STXBP5L: variants seen among roughly 807,000 people sequenced by gnomAD.
The protein encoded by STXBP5L is syntaxin binding protein 5L, also known as syntaxin-binding protein 5-like.
In STXBP5L, 65 loss-of-function variants were observed where a neutral mutation model predicts 144.5. The observed-to-expected ratio is 0.45, with a 90% CI of 0.37 to 0.55. The LOEUF is 0.55. Among genes scored for constraint, STXBP5L ranks in the 20% least tolerant of loss-of-function variants. STXBP5L has a pLI of 0.00. For missense variants in STXBP5L, 1,298 were observed against 1,405.5 expected (o/e 0.92, Z 1.22); for synonymous variants, 505 against 469.6 (o/e 1.08, Z -0.97).
chr3:121,001,302 C>T (rs1015520933), intron 3 of STXBP5L, among the ~76,000 whole-genome samples: 2 of 152,202 alleles, frequency 1.3e-5, no homozygotes, highest in Non-Finnish European at 2.9e-5. Context: ...CCTGGTTGAG[C>T]ATCTGAGGCT....
intron 20 of STXBP5L, among the ~76,000 whole-genome samples, chr3:121,328,680 G>A (rs2044227275): frequency 6.6e-6 from 1 of 152,096 alleles, no homozygotes; most frequent in Non-Finnish European, 1.5e-5. Flanking sequence ...AACCCAGGAG[G>A]CAGAGGTTGC....
chr3:121,046,459 G>A (rs1212558722), intron 5 of STXBP5L, among the ~76,000 whole-genome samples: 1 of 152,092 alleles, frequency 6.6e-6, no homozygotes, highest in Non-Finnish European at 1.5e-5. Context: ...TATGCATCTG[G>A]TGGAATTTGG....
intron 3 of STXBP5L, among the ~76,000 whole-genome samples, chr3:121,024,860 GA>G (rs1226727354): frequency 6.6e-6 from 1 of 152,216 alleles, no homozygotes; most frequent in Admixed American, 6.5e-5. Flanking sequence ...AATTGATTTA[GA>G]AAACCCTGGA....
intron 14 of STXBP5L, among the ~76,000 whole-genome samples, chr3:121,241,390 C>T (rs1294961614): frequency 2.7e-5 from 4 of 150,394 alleles, no homozygotes; most frequent in Non-Finnish European, 4.4e-5. Context: ...CACACACACA[C>T]ACACACACAC....
intron 20 of STXBP5L, among the ~76,000 whole-genome samples, chr3:121,355,559 TTC>T (rs2045477072): frequency 6.6e-6 from 1 of 152,194 alleles, no homozygotes; most frequent in South Asian, 2.1e-4. Context: ...GTCTTCTCTA[TTC>T]TGTTTATTCT....
At chr3:121,348,460 T>C (rs574222647) in intron 20 of STXBP5L, among the ~76,000 whole-genome samples, 7 of 152,282 alleles carry the variant, frequency 4.6e-5, no homozygotes, top group African/African-American at 1.7e-4. Flanking sequence ...ATCAGGATGA[T>C]GCTGGCCTCA....
intron 3 of STXBP5L, among the ~76,000 whole-genome samples, chr3:121,008,337 G>GT (rs753017958): frequency 2.6e-5 from 4 of 151,844 alleles, no homozygotes; most frequent in African/African-American, 4.8e-5. Flanking sequence ...GTAGCCTTAG[G>GT]TTTACTGTAA....
At chr3:121,230,131 G>A (rs2049257274) in intron 11 of STXBP5L, among the ~76,000 whole-genome samples, 1 of 152,098 alleles carries the variant, frequency 6.6e-6, no homozygotes, top group Non-Finnish European at 1.5e-5. Flanking sequence ...GCAGTGTGCT[G>A]AGATTACTTA....
At chr3:121,351,370 A>C (rs1228841455) in intron 20 of STXBP5L, among the ~76,000 whole-genome samples, 4 of 151,990 alleles carry the variant, frequency 2.6e-5, no homozygotes, top group Non-Finnish European at 5.9e-5. Context: ...TCTGCCCCTA[A>C]TGGGGGGTGC....
At chr3:121,137,286 G>A (rs945429834) in intron 7 of STXBP5L, among the ~76,000 whole-genome samples, 13 of 151,936 alleles carry the variant, frequency 8.6e-5, no homozygotes, top group Admixed American at 2.6e-4. Flanking sequence ...AACAAAATTG[G>A]TAAACTTTTA....
chr3:120,984,221 A>T (rs1215353250), intron 3 of STXBP5L, among the ~76,000 whole-genome samples: 1 of 152,188 alleles, frequency 6.6e-6, no homozygotes, highest in Admixed American at 6.5e-5. Context: ...TGTGAGTGAC[A>T]TTATGCCAGC....
At chr3:121,415,735 G>A (rs2047216702) in intron 24 of STXBP5L, 122 bp from the exon 25 acceptor site, 2 of 551,710 alleles carry the variant, frequency 3.6e-6, no homozygotes, top group African/African-American at 3.9e-5. Flanking sequence ...AAATCACCAT[G>A]AAAATATATG....
intron 22 of STXBP5L, among the ~76,000 whole-genome samples, chr3:121,396,833 T>A (rs1163576231): frequency 6.6e-6 from 1 of 152,250 alleles, no homozygotes; most frequent in Non-Finnish European, 1.5e-5. Flanking sequence ...ATGTGAGTGA[T>A]GTAAAAAGGG....
intron 3 of STXBP5L, among the ~76,000 whole-genome samples, chr3:121,001,719 G>C (rs1394858530): frequency 1.3e-5 from 2 of 152,162 alleles, no homozygotes; most frequent in African/African-American, 4.8e-5. Context: ...CTGCAACCCT[G>C]TATAGGGTTC....
chr3:121,300,311 AC>A (rs1285218561), intron 19 of STXBP5L, among the ~76,000 whole-genome samples: 5 of 152,200 alleles, frequency 3.3e-5, no homozygotes, highest in South Asian at 4.1e-4. Flanking sequence ...AGATAAAAAA[AC>A]GATGGAAAAT....
At chr3:120,961,852 G>C (rs1938869390) in intron 3 of STXBP5L, among the ~76,000 whole-genome samples, 1 of 152,206 alleles carries the variant, frequency 6.6e-6, no homozygotes, top group Non-Finnish European at 1.5e-5. Flanking sequence ...TCGCCACACT[G>C]TCTTCCACAA....
At chr3:121,090,240 G>C (rs1333003449) in intron 5 of STXBP5L, among the ~76,000 whole-genome samples, 1 of 152,078 alleles carries the variant, frequency 6.6e-6, no homozygotes, top group Non-Finnish European at 1.5e-5. Context: ...GTCAGATGTT[G>C]TGTTATTAAT....
At chr3:120,934,505 G>T (rs565101640) in intron 2 of STXBP5L, among the ~76,000 whole-genome samples, 2 of 152,090 alleles carry the variant, frequency 1.3e-5, no homozygotes, top group African/African-American at 2.4e-5. Context: ...ATGCCAATCA[G>T]ATCCAGTTGA....
chr3:121,187,081 A>T (rs1195564959), intron 9 of STXBP5L, among the ~76,000 whole-genome samples: 1 of 152,026 alleles, frequency 6.6e-6, no homozygotes. Flanking sequence ...CCCAAAGGAT[A>T]ATAAAAGATG....
Sources: gnomAD v4.1 joint callset for allele counts (sites outside exome capture counted in the v4.1 genomes callset) on GRCh38, gnomAD v4.1.1 for gene constraint, MANE v1.5 for transcripts, NCBI Gene and HGNC (gene_info 2026-07-23, HGNC 2026-07-21) for gene names.